The following KLRB1 variants were observed in gnomAD, a reference collection of about 807,000 sequenced individuals.
The protein encoded by KLRB1 is killer cell lectin-like receptor subfamily B member 1.
In KLRB1, 27 loss-of-function variants were observed where a neutral mutation model predicts 33.5. The ratio of observed to expected loss-of-function variants is 0.81; its 90% confidence interval spans 0.59 to 1.11. The LOEUF (loss-of-function observed/expected upper bound fraction) is 1.11, where lower values mean the gene tolerates loss of function less well. Among genes scored for constraint, KLRB1 ranks in the 50% most tolerant of loss-of-function variants. The pLI is 0.00. For synonymous variants in KLRB1, 64 were observed against 88.9 expected (o/e 0.72, Z 1.58); for missense variants, 241 against 254.1 (o/e 0.95, Z 0.35).
In KLRB1 at chr12:9,601,555, TAA is replaced by T; in HGVS notation, c.128_129del (p.Leu43GlnfsTer41). 2 of 1,613,890 alleles carry T rather than the reference TAA, an allele frequency of 1.2e-6. No individual in the cohort carries two copies. Among genetic ancestry groups the T allele is most frequent in the Non-Finnish European group, 1.7e-6 (2 of 1,179,818 alleles). ...GSPWHQFALK[L>X]SCAGIILLVL... ...ACAAGGAGAATAATCCCAGCACAGC[TAA>T]GTTTCAGGGCAAATTGATGCCAAGG... On this transcript the variant is annotated frameshift_variant, in exon 2 of 6. Transcript: ENST00000229402. LOFTEE classifies it high-confidence loss of function.
rs374663582 is a variant in KLRB1, at chr12:9,607,784, T to G, written c.56A>C (p.Glu19Ala). Reference sequence around the variant, plus strand: ...AGGAAGAGATGAAGGTGAAGAACTTTCTGGGCCTGAGTCTGTGGGTAAGTT... The same window carrying G: ...AGGAAGAGATGAAGGTGAAGAACTTGCTGGGCCTGAGTCTGTGGGTAAGTT... ...ELNLPTDSGP[E>A]SSSPSSLPRD... The change falls in exon 1 of 6, where the codon GAA becomes GCA. Residue 19 changes from glutamate to alanine, a missense_variant. Coordinates refer to ENST00000229402, the MANE Select transcript of KLRB1 (RefSeq NM_002258.3). The G allele has an allele frequency of 5.6e-6, 9 of 1,613,720 alleles. No individual in the cohort carries two copies. The highest frequency in any genetic ancestry group is 2.2e-5 in the East Asian group (1 of 44,860).
chr12:9,602,111 T>C (rs1864552535), intron 1 of KLRB1, among the ~76,000 whole-genome samples: 1 of 152,184 alleles, frequency 6.6e-6, no homozygotes, highest in South Asian at 2.1e-4. Flanking sequence ...TCTAGAACAA[T>C]CATCTCCAAG....
chr12:9,598,188 A>C (rs746914194), intron 4 of KLRB1, 27 bp from the exon 5 acceptor site: 14 of 1,383,040 alleles, frequency 1.0e-5, no homozygotes, highest in Non-Finnish European at 1.3e-5. Context: ...AAAATATTGA[A>C]TCTGCTTATC....
Position 9,597,134 on chromosome 12 carries a change from A to G in KLRB1, c.530+912T>C, listed in dbSNP as rs149926559. On this transcript the variant is annotated intron_variant, in intron 5 of 5. Coordinates refer to ENST00000229402, the MANE Select transcript of KLRB1 (RefSeq NM_002258.3). The stretch of plus-strand genomic sequence containing the variant: ...ATACTTAATAAATTATCTTAGGATA[A>G]TGTAGACAAACTTAAAACATTCTCC... 3.0e-3 allele frequency among the ~76,000 whole-genome samples: 456 copies of G among 152,308 alleles called. 2 individuals carry two copies. Among genetic ancestry groups the G allele is most frequent in the African/African-American group, 0.01 (428 of 41,582 alleles).
At chr12:9,605,671 A>G (rs1458722188) in intron 1 of KLRB1, among the ~76,000 whole-genome samples, 2 of 152,210 alleles carry the variant, frequency 1.3e-5, no homozygotes, top group African/African-American at 4.8e-5. Flanking sequence ...ACTGCCTTAG[A>G]CACAATCACC....
intron 1 of KLRB1, 26 bp from the exon 2 acceptor site, chr12:9,601,625 A>ACAAC: frequency 7.6e-7 from 1 of 1,308,636 alleles, no homozygotes; most frequent in Non-Finnish European, 1.1e-6. Context: ...GAAAAACACA[A>ACAAC]AAACAAACAA....
intron 1 of KLRB1, among the ~76,000 whole-genome samples, chr12:9,603,721 C>T (rs1864570233): frequency 6.6e-6 from 1 of 150,938 alleles, no homozygotes; most frequent in African/African-American, 2.4e-5. Context: ...CATACGTGAG[C>T]CACCGCACCC....
intron 1 of KLRB1, among the ~76,000 whole-genome samples, chr12:9,607,353 TTCCTTTC>T (rs1864625198): frequency 6.7e-5 from 6 of 89,920 alleles, no homozygotes; most frequent in African/African-American, 8.9e-5. Flanking sequence ...TCTTTCTTTC[TTCCTTTC>T]TTTCTTTCTT....
intron 1 of KLRB1, among the ~76,000 whole-genome samples, chr12:9,604,695 C>T (rs1403735503): frequency 2.0e-5 from 3 of 152,080 alleles, no homozygotes; most frequent in Non-Finnish European, 4.4e-5. Flanking sequence ...GGAGGCCTTC[C>T]TTGATTATTC....
intron 2 of KLRB1, 23 bp from the exon 3 acceptor site, chr12:9,599,864 A>C: frequency 7.4e-7 from 1 of 1,356,382 alleles, no homozygotes; most frequent in Non-Finnish European, 1.1e-6. Context: ...GAAAAACAAG[A>C]GTATTAAATG....
At chr12:9,605,046 T>A (rs1335083898) in intron 1 of KLRB1, among the ~76,000 whole-genome samples, 3 of 152,124 alleles carry the variant, frequency 2.0e-5, no homozygotes, top group African/African-American at 7.2e-5. Context: ...TGTCCATGTG[T>A]TCTCATTGTT....
intron 2 of KLRB1, 109 bp downstream of exon 2, chr12:9,601,392 G>A (rs1864539607): frequency 7.2e-6 from 5 of 696,944 alleles, no homozygotes; most frequent in South Asian, 5.0e-5. Context: ...CCCACCTTAC[G>A]AGAAACACCC....
intron 1 of KLRB1, among the ~76,000 whole-genome samples, chr12:9,604,311 C>A (rs1864576690): frequency 6.6e-6 from 1 of 152,166 alleles, no homozygotes; most frequent in African/African-American, 2.4e-5. Context: ...CTTCCAATGG[C>A]TTTTCATCAG....
intron 1 of KLRB1, among the ~76,000 whole-genome samples, chr12:9,602,332 T>A (rs934590883): frequency 6.6e-6 from 1 of 152,224 alleles, no homozygotes; most frequent in African/African-American, 2.4e-5. Context: ...AAAGTTATGA[T>A]TATATTGATG....
At chr12:9,601,178 G>A (rs1461957748) in intron 2 of KLRB1, among the ~76,000 whole-genome samples, 1 of 149,294 alleles carries the variant, frequency 6.7e-6, no homozygotes, top group East Asian at 2.0e-4. Flanking sequence ...TTGTTCACGT[G>A]TTTGTCTGCT....
chr12:9,602,942 A>T (rs1864560563), intron 1 of KLRB1, among the ~76,000 whole-genome samples: 1 of 152,190 alleles, frequency 6.6e-6, no homozygotes, highest in Non-Finnish European at 1.5e-5. Flanking sequence ...TCACATTAGG[A>T]TGCTCACACT....
chr12:9,598,951 G>A (rs981762953), intron 3 of KLRB1, among the ~76,000 whole-genome samples: 8 of 152,262 alleles, frequency 5.3e-5, no homozygotes, highest in Middle Eastern at 3.4e-3. Context: ...AAGACAGTGA[G>A]AGACAGAATA....
chr12:9,599,971 G>T, intron 2 of KLRB1, 130 bp from the exon 3 acceptor site: 2 of 458,924 alleles, frequency 4.4e-6, no homozygotes, highest in Non-Finnish European at 7.5e-6. Context: ...AAAAGTATTA[G>T]CGAAGTGGTA....
intron 1 of KLRB1, among the ~76,000 whole-genome samples, chr12:9,601,885 T>A (rs1565442950): frequency 6.6e-6 from 1 of 152,190 alleles, no homozygotes; most frequent in Non-Finnish European, 1.5e-5. Flanking sequence ...ATGAGATAGA[T>A]AGAAAGATGT....
Sources: allele counts gnomAD v4.1 joint callset (sites outside exome capture counted in the v4.1 genomes callset), GRCh38; gene constraint gnomAD v4.1.1; transcripts MANE v1.5; gene names NCBI Gene and HGNC (gene_info 2026-07-23, HGNC 2026-07-21).